The following RIMS2 variants were observed in gnomAD, a reference collection of about 807,000 sequenced individuals.
RIMS2 encodes regulating synaptic membrane exocytosis protein 2.
Under a neutral mutation model 174.4 loss-of-function variants are expected in RIMS2, and 59 were observed. The observed-to-expected ratio is 0.34, with a 90% confidence interval of 0.27 to 0.42. The LOEUF is 0.42. RIMS2 is among the 10% of genes least tolerant of loss of function. The pLI is 1.00. For missense variants in RIMS2, 1,620 were observed against 1,666.3 expected (o/e 0.97, Z 0.48); for synonymous variants, 606 against 572.5 (o/e 1.06, Z -0.84).
intron 19 of RIMS2, among the ~76,000 whole-genome samples, chr8:104,112,637 T>C: frequency 6.6e-6 from 1 of 152,206 alleles, no homozygotes; most frequent in East Asian, 1.9e-4. Flanking sequence ...TCTGTATAAA[T>C]GATTATAACT....
At chr8:103,578,018 C>T (rs897403147) in intron 1 of RIMS2, among the ~76,000 whole-genome samples, 3 of 151,950 alleles carry the variant, frequency 2.0e-5, no homozygotes, top group Non-Finnish European at 4.4e-5. Context: ...TATTGATGTT[C>T]CAGAGGGAAT....
intron 1 of RIMS2, among the ~76,000 whole-genome samples, chr8:103,579,355 A>G (rs991243180): frequency 6.6e-6 from 1 of 152,164 alleles, no homozygotes; most frequent in South Asian, 2.1e-4. Flanking sequence ...AAATACATGC[A>G]AAAAGAAAAC....
chr8:103,570,052 C>G (rs746477550), intron 1 of RIMS2, among the ~76,000 whole-genome samples: 18 of 152,182 alleles, frequency 1.2e-4, no homozygotes, highest in Non-Finnish European at 2.5e-4. Flanking sequence ...TAGTTTTAAT[C>G]TACTCAGTTC....
At chr8:104,067,592 A>G (rs925091156) in intron 19 of RIMS2, among the ~76,000 whole-genome samples, 1 of 151,950 alleles carries the variant, frequency 6.6e-6, no homozygotes, top group Non-Finnish European at 1.5e-5. Flanking sequence ...GGGTCATGCT[A>G]TATTGCCCAG....
intron 1 of RIMS2, among the ~76,000 whole-genome samples, chr8:103,692,976 A>T (rs1327795523): frequency 2.0e-5 from 3 of 152,116 alleles, no homozygotes; most frequent in Non-Finnish European, 4.4e-5. Context: ...TGTGGTCTGG[A>T]CTGCCTTTCA....
intron 1 of RIMS2, among the ~76,000 whole-genome samples, chr8:103,653,581 G>T (rs190482882): frequency 1.3e-5 from 2 of 152,200 alleles, no homozygotes; most frequent in African/African-American, 4.8e-5. Context: ...ATGGACTCCA[G>T]GAGAGAATGA....
chr8:103,782,036 C>G (rs1363631313), intron 3 of RIMS2, among the ~76,000 whole-genome samples: 1 of 151,870 alleles, frequency 6.6e-6, no homozygotes, highest in African/African-American at 2.4e-5. Context: ...GCATGAGCCA[C>G]CACACGTGGC....
intron 19 of RIMS2, chr8:104,223,516 G>A (rs1005640064): frequency 3.6e-5 from 51 of 1,404,196 alleles, no homozygotes; most frequent in Non-Finnish European, 4.6e-5. Flanking sequence ...CAGGGAGGCA[G>A]GGGCCAGAGC....
chr8:104,206,892 G>A (rs544376220), intron 19 of RIMS2, among the ~76,000 whole-genome samples: 2 of 152,344 alleles, frequency 1.3e-5, no homozygotes, highest in South Asian at 2.1e-4. Flanking sequence ...AGGTAGTTCT[G>A]TATGGAAGAA....
At chr8:103,526,999 A>G (rs530184158) in intron 1 of RIMS2, among the ~76,000 whole-genome samples, 2 of 152,308 alleles carry the variant, frequency 1.3e-5, no homozygotes, top group East Asian at 3.9e-4. Context: ...CAAAAATCCT[A>G]AATGTATCCA....
At chr8:104,190,815 A>T (rs903210478) in intron 19 of RIMS2, among the ~76,000 whole-genome samples, 3 of 152,288 alleles carry the variant, frequency 2.0e-5, no homozygotes, top group Admixed American at 2.0e-4. Context: ...AATAAGAAAG[A>T]TATAATTGCT....
intron 19 of RIMS2, among the ~76,000 whole-genome samples, chr8:104,066,526 C>G (rs2097107821): frequency 6.6e-6 from 1 of 152,006 alleles, no homozygotes; most frequent in African/African-American, 2.4e-5. Flanking sequence ...TAATGTTGGG[C>G]TCATTTTTTT....
chr8:104,022,201 T>G (rs2096117238), intron 19 of RIMS2, among the ~76,000 whole-genome samples: 1 of 152,208 alleles, frequency 6.6e-6, no homozygotes, highest in South Asian at 2.1e-4. Context: ...CAGGCCCGTC[T>G]CATAATCCTA....
intron 19 of RIMS2, among the ~76,000 whole-genome samples, chr8:104,117,014 C>T (rs1476527791): frequency 6.6e-6 from 1 of 151,060 alleles, no homozygotes. Context: ...TCTAGTAGCT[C>T]GTAAATTTAT....
At chr8:103,707,434 A>G (rs1163477996) in intron 2 of RIMS2, among the ~76,000 whole-genome samples, 1 of 151,992 alleles carries the variant, frequency 6.6e-6, no homozygotes, top group African/African-American at 2.4e-5. Flanking sequence ...ATAATTGTTA[A>G]GGGTACTGAG....
At chr8:103,644,960 G>A (rs1262655077) in intron 1 of RIMS2, among the ~76,000 whole-genome samples, 1 of 151,828 alleles carries the variant, frequency 6.6e-6, no homozygotes, top group Non-Finnish European at 1.5e-5. Flanking sequence ...AAGTAAATGA[G>A]CCCATTTACA....
At chr8:103,997,479 G>A (rs1193122514) in intron 17 of RIMS2, among the ~76,000 whole-genome samples, 3 of 151,730 alleles carry the variant, frequency 2.0e-5, no homozygotes, top group Admixed American at 6.6e-5. Context: ...TAGTATTAAA[G>A]GTTCTAAGAA....
intron 17 of RIMS2, among the ~76,000 whole-genome samples, chr8:104,000,908 A>G (rs754448789): frequency 1.3e-5 from 2 of 151,766 alleles, no homozygotes; most frequent in South Asian, 2.1e-4. Context: ...AAATCAGATT[A>G]TTATTGTTAT....
At chr8:103,551,450 CAAAAT>C (rs1280807385) in intron 1 of RIMS2, among the ~76,000 whole-genome samples, 6 of 152,116 alleles carry the variant, frequency 3.9e-5, no homozygotes, top group Non-Finnish European at 5.9e-5. Flanking sequence ...GGATGTATCT[CAAAAT>C]AATAAGAGCT....
Sources: allele counts gnomAD v4.1 joint callset (sites outside exome capture counted in the v4.1 genomes callset), GRCh38; gene constraint gnomAD v4.1.1; transcripts MANE v1.5; gene names NCBI Gene and HGNC (gene_info 2026-07-23, HGNC 2026-07-21).